JARID2: variants seen among roughly 807,000 people sequenced by gnomAD.
JARID2 encodes the protein jumonji and AT-rich interaction domain containing 2, also known as protein Jumonji.
A neutral mutation model predicts 125.6 loss-of-function variants in JARID2; 21 were observed. The ratio of observed to expected loss-of-function variants is 0.17; its 90% CI spans 0.12 to 0.24. The LOEUF (loss-of-function observed/expected upper bound fraction) is 0.24, where lower values mean the gene tolerates loss of function less well. Among genes scored for constraint, JARID2 ranks in the 10% least tolerant of loss-of-function variants. JARID2 has a pLI of 1.00. For synonymous variants in JARID2, 736 were observed against 661.6 expected, an observed-to-expected ratio of 1.11 and a Z score of -1.73; for missense variants, 1,303 against 1,639.6, an observed-to-expected ratio of 0.79 and a Z score of 3.55.
At chr6:15,497,418 T>C (rs1967664) in intron 7 of JARID2, among the ~76,000 whole-genome samples, 36,634 of 151,892 alleles carry the variant, frequency 0.24, 4,535 homozygotes, top group Middle Eastern at 0.36. Flanking sequence ...TCCCAGCACT[T>C]TGGGAGGCTG....
rs189974506 is a variant in JARID2 at position 15,390,790 on chromosome 6, C to T, written c.181+16538C>T. 2.8e-4 allele frequency among the ~76,000 whole-genome samples: 42 copies of T among 152,218 alleles called. No individual in the cohort carries two copies. The East Asian group carries it at 3.9e-3, about 14-fold the overall frequency. ...TCCTGCCAGCTCAGGTCCAGTAGGC[C>T]GCAGTCCTCCAGCTCTGCTAGTGGA... On this transcript the variant is annotated intron_variant, in intron 2 of 17. Coordinates refer to ENST00000341776, the MANE Select transcript of JARID2 (RefSeq NM_004973.4).
At chr6:15,413,538 C>G (rs181462537) in intron 3 of JARID2, among the ~76,000 whole-genome samples, 2 of 152,306 alleles carry the variant, frequency 1.3e-5, no homozygotes, top group Admixed American at 1.3e-4. Context: ...AGCTTTCTTG[C>G]TGCATTATAA....
intron 7 of JARID2, among the ~76,000 whole-genome samples, chr6:15,500,146 G>A (rs539191602): frequency 6.6e-6 from 1 of 152,242 alleles, no homozygotes. Context: ...AAAAGCCACT[G>A]GGCGCGCGTT....
intron 1 of JARID2, among the ~76,000 whole-genome samples, chr6:15,364,017 A>G (rs1763887209): frequency 6.6e-6 from 1 of 152,172 alleles, no homozygotes; most frequent in South Asian, 2.1e-4. Flanking sequence ...CATGAGATAG[A>G]CAAAAATAAA....
At chr6:15,449,530 T>G (rs890912785) in intron 3 of JARID2, among the ~76,000 whole-genome samples, 4 of 151,644 alleles carry the variant, frequency 2.6e-5, no homozygotes, top group Admixed American at 6.6e-5. Flanking sequence ...CAGCTGGGTG[T>G]GGTGGCACAT....
Position 15,507,412 on chromosome 6 carries a change from G to A in JARID2, c.2727G>A (p.Val909=). ...TGSILRHLGA[V]PGVTIPWLNI... is the part of the protein sequence containing the mutation. ...CCATCCTGCGTCACCTCGGTGCTGT[G>A]CCTGGTAAGCCTGACTGTGGCCGCC... The change falls in exon 11 of 18, where the codon GTG becomes GTA. Residue 909 remains valine, a synonymous_variant. Transcript: ENST00000341776. 1 of 1,613,864 alleles carries A rather than the reference G, an allele frequency of 6.2e-7. No homozygotes were observed. The highest frequency in any genetic ancestry group is 8.5e-7 in the Non-Finnish European group (1 of 1,179,834).
At chr6:15,433,921 G>GGTGGGT (rs1767082166) in intron 3 of JARID2, among the ~76,000 whole-genome samples, 1 of 131,312 alleles carries the variant, frequency 7.6e-6, no homozygotes, top group Non-Finnish European at 1.6e-5. Flanking sequence ...CACTCTCCAG[G>GGTGGGT]GTGTGTGTGT....
At chr6:15,463,361 T>C (rs1047931295) in intron 4 of JARID2, among the ~76,000 whole-genome samples, 1 of 151,986 alleles carries the variant, frequency 6.6e-6, no homozygotes, top group Non-Finnish European at 1.5e-5. Flanking sequence ...ACAGAGCTTG[T>C]GTTTTTGCCA....
intron 1 of JARID2, among the ~76,000 whole-genome samples, chr6:15,352,771 A>T (rs1372316787): frequency 6.6e-6 from 1 of 152,228 alleles, no homozygotes; most frequent in Non-Finnish European, 1.5e-5. Context: ...CTGTAAGTCT[A>T]AATTCACTGT....
intron 6 of JARID2, among the ~76,000 whole-genome samples, chr6:15,494,698 A>G (rs1365682719): frequency 2.0e-5 from 3 of 152,086 alleles, no homozygotes; most frequent in Non-Finnish European, 4.4e-5. Flanking sequence ...GCCTTTGGGA[A>G]GTTTCATTCC....
intron 3 of JARID2, among the ~76,000 whole-genome samples, chr6:15,414,114 A>G (rs1483704652): frequency 6.6e-6 from 1 of 152,154 alleles, no homozygotes; most frequent in Non-Finnish European, 1.5e-5. Flanking sequence ...CCTTTTGTCT[A>G]CAGTAGGGTG....
chr6:15,392,959 G>A (rs1455035327), intron 2 of JARID2, among the ~76,000 whole-genome samples: 2 of 152,102 alleles, frequency 1.3e-5, no homozygotes, highest in Admixed American at 1.3e-4. Context: ...TGCTGGGATT[G>A]TAGGCGTGAG....
intron 1 of JARID2, among the ~76,000 whole-genome samples, chr6:15,334,694 T>G (rs1353236345): frequency 6.6e-6 from 1 of 152,184 alleles, no homozygotes; most frequent in African/African-American, 2.4e-5. Flanking sequence ...GTTGTTTGTT[T>G]CTTCAATACT....
intron 5 of JARID2, among the ~76,000 whole-genome samples, chr6:15,483,785 G>A (rs890510458): frequency 3.9e-5 from 6 of 152,102 alleles, no homozygotes; most frequent in African/African-American, 1.2e-4. Flanking sequence ...GAATTGGTGG[G>A]TCATATGGGA....
At chr6:15,450,292 C>T (rs1767862034) in intron 3 of JARID2, among the ~76,000 whole-genome samples, 1 of 152,078 alleles carries the variant, frequency 6.6e-6, no homozygotes, top group Non-Finnish European at 1.5e-5. Flanking sequence ...GCCTCAGCCT[C>T]CTGAGTAGCT....
chr6:15,349,652 A>G (rs573119269), intron 1 of JARID2, among the ~76,000 whole-genome samples: 5 of 152,176 alleles, frequency 3.3e-5, no homozygotes, highest in African/African-American at 4.8e-5. Flanking sequence ...AAGGGATTCC[A>G]TGAAGGGAAG....
intron 1 of JARID2, among the ~76,000 whole-genome samples, chr6:15,299,827 A>G (rs1454501051): frequency 3.3e-5 from 5 of 151,812 alleles, no homozygotes; most frequent in African/African-American, 7.3e-5. Context: ...GCAGTGAGTC[A>G]TTTTTTTCTG....
At chr6:15,391,520 T>G (rs1765008923) in intron 2 of JARID2, among the ~76,000 whole-genome samples, 1 of 152,124 alleles carries the variant, frequency 6.6e-6, no homozygotes, top group African/African-American at 2.4e-5. Context: ...AGCTCTAAGT[T>G]AGGGTCAACA....
At chr6:15,423,839 T>C (rs1581543324) in intron 3 of JARID2, among the ~76,000 whole-genome samples, 1 of 152,186 alleles carries the variant, frequency 6.6e-6, no homozygotes, top group South Asian at 2.1e-4. Context: ...GACCAGTGTT[T>C]TGGGTTCCTG....
Sources: allele counts gnomAD v4.1 joint callset (sites outside exome capture counted in the v4.1 genomes callset), GRCh38; gene constraint gnomAD v4.1.1; transcripts MANE v1.5; gene names NCBI Gene and HGNC (gene_info 2026-07-23, HGNC 2026-07-21).